The following RRAS2 variants were observed in gnomAD, a reference collection of about 807,000 sequenced individuals.
RRAS2 encodes the protein RAS related 2, also known as ras-related protein R-Ras2.
Under a neutral mutation model 27.6 loss-of-function variants are expected in RRAS2, and 7 were observed. The observed-to-expected ratio is 0.25, with a 90% confidence interval of 0.14 to 0.48. RRAS2 has a LOEUF of 0.48. RRAS2 is among the 20% of genes least tolerant of loss of function. The pLI is 0.99. For missense variants in RRAS2, 178 were observed against 256.2 expected, an observed-to-expected ratio of 0.69 and a Z score of 2.08; for synonymous variants, 86 against 90.9, an observed-to-expected ratio of 0.95 and a Z score of 0.31.
intron 1 of RRAS2, among the ~76,000 whole-genome samples, chr11:14,310,767 G>A (rs1847944863): frequency 6.6e-6 from 1 of 152,208 alleles, no homozygotes; most frequent in African/African-American, 2.4e-5. Context: ...TCCTAGGCAA[G>A]TAGACATATG....
At chr11:14,334,003 T>C (rs1203630634) in intron 1 of RRAS2, among the ~76,000 whole-genome samples, 1 of 152,264 alleles carries the variant, frequency 6.6e-6, no homozygotes, top group East Asian at 1.9e-4. Flanking sequence ...CCATATTTAA[T>C]CCATCTTCAT....
intron 1 of RRAS2, among the ~76,000 whole-genome samples, chr11:14,331,837 T>G (rs959383119): frequency 6.6e-6 from 1 of 152,024 alleles, no homozygotes; most frequent in Non-Finnish European, 1.5e-5. Context: ...ATTAAGAAAC[T>G]TTACAACTCA....
At chr11:14,307,299 C>A in intron 1 of RRAS2, among the ~76,000 whole-genome samples, 1 of 151,794 alleles carries the variant, frequency 6.6e-6, no homozygotes, top group South Asian at 2.1e-4. Context: ...CATGACATGC[C>A]TTTGACTATG....
chr11:14,361,379 A>G (rs886868883), upstream of RRAS2, among the ~76,000 whole-genome samples: 1 of 152,200 alleles, frequency 6.6e-6, no homozygotes, highest in Non-Finnish European at 1.5e-5. Context: ...AATCATAAGC[A>G]AAACAAAATT....
At chr11:14,341,735 G>T in intron 1 of RRAS2, 1 of 434,788 alleles carries the variant, frequency 2.3e-6, no homozygotes, top group South Asian at 1.7e-5. Flanking sequence ...TTAAGTCAGA[G>T]TACATTCTCT....
rs543871431 is a variant in RRAS2, at chr11:14,327,721, G to A, written c.108+31042C>T. 2.6e-5 allele frequency among the ~76,000 whole-genome samples: 4 copies of A among 151,814 alleles called. 1 individual carries two copies. Among genetic ancestry groups the A allele is most frequent in the Admixed American group, 2.6e-4 (4 of 15,268 alleles). ...TTTAGCCAGACTCTAAATGCTTTAG[G>A]GAAAAAGAAAAACGTGCAGTACATA... On this transcript the variant is annotated intron_variant, in intron 1 of 5. Transcript: ENST00000256196.
intron 1 of RRAS2, among the ~76,000 whole-genome samples, chr11:14,353,598 A>C (rs1211376474): frequency 2.0e-5 from 3 of 151,794 alleles, no homozygotes; most frequent in Non-Finnish European, 4.4e-5. Context: ...TCGTCTCAAA[A>C]AAAAAAAAAA....
At position 14,314,910 on chromosome 11, in the gene RRAS2, C is replaced by T. The variant is rs1848062153; in HGVS notation, c.109-19055G>A. Among the ~76,000 whole-genome samples the T allele has an allele frequency of 2.6e-5, 4 of 152,188 alleles. No individual in the cohort carries two copies. The South Asian group carries it at 8.3e-4, about 32-fold the overall frequency. On this transcript the variant is annotated intron_variant, in intron 1 of 5. Coordinates refer to ENST00000256196, the MANE Select transcript of RRAS2 (RefSeq NM_012250.6). ...CCATGTTGGCCAGGCTGGTCTCAAA[C>T]TCTTGGCCTCAAGTGATCCGCCCGC...
At chr11:14,355,062 G>T (rs1849043720) in intron 1 of RRAS2, among the ~76,000 whole-genome samples, 2 of 151,644 alleles carry the variant, frequency 1.3e-5, no homozygotes, top group Non-Finnish European at 2.9e-5. Flanking sequence ...AACCCTAAGG[G>T]TACTATTATT....
intron 4 of RRAS2, among the ~76,000 whole-genome samples, chr11:14,288,236 C>T (rs1411904935): frequency 6.6e-6 from 1 of 152,228 alleles, no homozygotes; most frequent in Non-Finnish European, 1.5e-5. Flanking sequence ...GCCTTGGCCT[C>T]CCAAAGTGCT....
intron 1 of RRAS2, among the ~76,000 whole-genome samples, chr11:14,348,396 CCATT>C (rs1848882857): frequency 6.6e-6 from 1 of 152,172 alleles, no homozygotes; most frequent in Admixed American, 6.5e-5. Context: ...GTTTTAACAT[CCATT>C]TTTACCCACT....
At chr11:14,296,342 C>T (rs943534946) in intron 1 of RRAS2, among the ~76,000 whole-genome samples, 1 of 152,140 alleles carries the variant, frequency 6.6e-6, no homozygotes, top group Non-Finnish European at 1.5e-5. Flanking sequence ...GACAATTCCC[C>T]ACCAAATGTT....
Position 14,295,842 on chromosome 11 carries a change from G to A in RRAS2, c.122C>T (p.Thr41Met), listed in dbSNP as rs782670869. The A allele has an allele frequency of 6.0e-5, 97 of 1,612,648 alleles. No homozygotes were observed. The highest frequency in any genetic ancestry group is 7.3e-5 in the Non-Finnish European group (86 of 1,179,468). Residue 41 changes from threonine to methionine, a missense_variant, in exon 2 of 6, where the codon ACG (threonine) becomes ATG (methionine). Physicochemically the swap from Thr to Met is moderately conservative, Grantham distance 81. Coordinates refer to ENST00000256196, the MANE Select transcript of RRAS2 (RefSeq NM_012250.6). ...ATCTTCAATGGTTGGATCATAATCCGTTACAAAATAGGACTGCAAGAAAAG... is the reference window on the plus strand; with the variant it reads ...ATCTTCAATGGTTGGATCATAATCCATTACAAAATAGGACTGCAAGAAAAG... Reference protein sequence around the residue: ...TIQFIQSYFVTDYDPTIEDSY... With the variant: ...TIQFIQSYFVMDYDPTIEDSY...
At chr11:14,354,246 C>T (rs1318217115) in intron 1 of RRAS2, among the ~76,000 whole-genome samples, 1 of 152,220 alleles carries the variant, frequency 6.6e-6, no homozygotes, top group South Asian at 2.1e-4. Flanking sequence ...AAATTCAAGA[C>T]GTGAGAAATC....
chr11:14,309,958 ATCAGAGAC>A (rs782635499), intron 1 of RRAS2, among the ~76,000 whole-genome samples: 65 of 152,324 alleles, frequency 4.3e-4, no homozygotes, highest in Middle Eastern at 3.4e-3. Flanking sequence ...CAAGGGTGAA[ATCAGAGAC>A]TACTTAAGAA....
intron 1 of RRAS2, among the ~76,000 whole-genome samples, chr11:14,313,981 TA>T (rs1465955922): frequency 6.6e-6 from 1 of 152,226 alleles, no homozygotes; most frequent in African/African-American, 2.4e-5. Flanking sequence ...CAAGTATTTT[TA>T]ATTTATTATG....
chr11:14,362,455 C>T (rs1591497448), upstream of RRAS2, among the ~76,000 whole-genome samples: 1 of 146,306 alleles, frequency 6.8e-6, no homozygotes, highest in Non-Finnish European at 1.5e-5. Flanking sequence ...GAAAATACCC[C>T]CAAAAGCATA....
At chr11:14,300,710 C>A (rs782645860) in intron 1 of RRAS2, among the ~76,000 whole-genome samples, 1 of 152,206 alleles carries the variant, frequency 6.6e-6, no homozygotes, top group South Asian at 2.1e-4. Context: ...AACAGGAGCT[C>A]GGGCTGGCCT....
At chr11:14,319,549 G>A (rs897460129) in intron 1 of RRAS2, among the ~76,000 whole-genome samples, 12 of 151,260 alleles carry the variant, frequency 7.9e-5, no homozygotes, top group Non-Finnish European at 1.3e-4. Flanking sequence ...TAGTAGAGAC[G>A]GGGTTTCACC....
Sources: gnomAD v4.1 joint callset for allele counts (sites outside exome capture counted in the v4.1 genomes callset) on GRCh38, gnomAD v4.1.1 for gene constraint, MANE v1.5 for transcripts, NCBI Gene and HGNC (gene_info 2026-07-23, HGNC 2026-07-21) for gene names.